The following PCNX1 variants were observed in gnomAD, a reference collection of about 807,000 sequenced individuals.
The protein encoded by PCNX1 is pecanex 1, also known as pecanex-like protein 1.
In PCNX1, 78 loss-of-function variants were observed where a neutral mutation model predicts 242.2. The ratio of observed to expected loss-of-function variants is 0.32; its 90% CI spans 0.27 to 0.39. PCNX1 has a LOEUF of 0.39. Ranked by LOEUF, PCNX1 falls within the 10% of genes least tolerant of loss-of-function variation. PCNX1 has a pLI of 1.00. For synonymous variants in PCNX1, 1,024 were observed against 1,032.9 expected (o/e 0.99, Z 0.17); for missense variants, 2,581 against 2,856.5 (o/e 0.90, Z 2.20).
At chr14:71,099,822 G>A (rs2062414597) in intron 30 of PCNX1, among the ~76,000 whole-genome samples, 1 of 152,122 alleles carries the variant, frequency 6.6e-6, no homozygotes, top group Admixed American at 6.5e-5. Context: ...TCTATCATTA[G>A]GTAATGACCT....
At chr14:70,926,305 C>CTTA (rs1391853474) in intron 1 of PCNX1, among the ~76,000 whole-genome samples, 1 of 151,874 alleles carries the variant, frequency 6.6e-6, no homozygotes, top group Non-Finnish European at 1.5e-5. Flanking sequence ...CCTTGCTGTG[C>CTTA]TTATATCAGA....
In PCNX1 at chr14:70,948,250, A is replaced by G. The variant is rs150059571; in HGVS notation, c.362+1127A>G. On this transcript the variant is annotated intron_variant, in intron 2 of 35. Coordinates refer to ENST00000304743, the MANE Select transcript of PCNX1 (RefSeq NM_014982.3). ...ATACACCCCTCCCCTTTTGAAATCC[A>G]TAATAAAAACTTGCTGGTTTTGTGG... Among the ~76,000 whole-genome samples the G allele has an allele frequency of 8.5e-3, 1,293 of 152,186 alleles. 25 individuals are homozygous for G. Among genetic ancestry groups the G allele is most frequent in the African/African-American group, 0.029 (1,219 of 41,510 alleles).
At chr14:71,013,873 A>C (rs894917318) in intron 11 of PCNX1, among the ~76,000 whole-genome samples, 2 of 152,194 alleles carry the variant, frequency 1.3e-5, no homozygotes, top group African/African-American at 4.8e-5. Context: ...AGGAGATAGA[A>C]CTGAGAGTCC....
intron 1 of PCNX1, among the ~76,000 whole-genome samples, chr14:70,922,122 A>T (rs1438109878): frequency 6.6e-6 from 1 of 152,170 alleles, no homozygotes; most frequent in African/African-American, 2.4e-5. Context: ...TCTGGCAATA[A>T]TGTACACTTT....
At chr14:71,009,548 T>C (rs969028325) in intron 8 of PCNX1, 86 bp from the exon 9 acceptor site, 7 of 694,052 alleles carry the variant, frequency 1.0e-5, no homozygotes, top group Non-Finnish European at 1.6e-5. Flanking sequence ...TTTCTTAAGA[T>C]GTAGAAACTT....
intron 19 of PCNX1, among the ~76,000 whole-genome samples, chr14:71,039,101 T>C (rs1157597130): frequency 3.3e-5 from 5 of 151,866 alleles, no homozygotes; most frequent in African/African-American, 7.3e-5. Flanking sequence ...AGGGATAGCA[T>C]TGGGAGATAT....
At chr14:71,078,315 T>C (rs1244983448) in intron 28 of PCNX1, among the ~76,000 whole-genome samples, 1 of 152,222 alleles carries the variant, frequency 6.6e-6, no homozygotes, top group African/African-American at 2.4e-5. Context: ...GGGACATTAA[T>C]CAGGCCAGAC....
In PCNX1 at chr14:70,907,459, C is replaced by G. The variant is rs1051484573; in HGVS notation, c.-392C>G. The G allele has an allele frequency of 6.6e-6, 1 of 152,582 alleles. No individual in the cohort carries two copies. Among genetic ancestry groups the G allele is most frequent in the Non-Finnish European group, 1.5e-5 (1 of 67,968 alleles). The allele number at this position is 152,582 out of a possible 1,614,324, so 9.5% of individuals were successfully genotyped here. ...TCTCGGTCGCTCCCTGGCGCCGGGC[C>G]TCTTTCTCTGCCTGGCCCAGGGCTG... On this transcript the variant is annotated 5_prime_UTR_variant, in exon 1 of 36. Coordinates refer to ENST00000304743, the MANE Select transcript of PCNX1 (RefSeq NM_014982.3).
chr14:70,973,045 A>AGT (rs2058587819), intron 5 of PCNX1, among the ~76,000 whole-genome samples: 1 of 152,154 alleles, frequency 6.6e-6, no homozygotes, highest in Non-Finnish European at 1.5e-5. Flanking sequence ...GGAGGCCAGG[A>AGT]GTTCAATACC....
chr14:70,948,319 T>C (rs1362311966), intron 2 of PCNX1, among the ~76,000 whole-genome samples: 1 of 152,154 alleles, frequency 6.6e-6, no homozygotes, highest in Non-Finnish European at 1.5e-5. Flanking sequence ...ATGTCTCCCC[T>C]GGACAGCCAG....
At chr14:71,029,034 A>T (rs541401011) in intron 16 of PCNX1, among the ~76,000 whole-genome samples, 1 of 152,254 alleles carries the variant, frequency 6.6e-6, no homozygotes, top group East Asian at 1.9e-4. Context: ...TTAGAAACAG[A>T]TTATTGAAAA....
intron 6 of PCNX1, among the ~76,000 whole-genome samples, chr14:70,988,219 A>C (rs1187791263): frequency 6.6e-6 from 1 of 152,218 alleles, no homozygotes; most frequent in Non-Finnish European, 1.5e-5. Flanking sequence ...AGGTTGACTT[A>C]ATTAACGGGG....
Position 71,114,459 on chromosome 14 carries a change from C to T in PCNX1, c.*4524C>T, listed in dbSNP as rs535479185. The T allele has an allele frequency of 3.3e-4, 51 of 152,402 alleles. No homozygotes were observed. Among genetic ancestry groups the T allele is most frequent in the African/African-American group, 1.2e-3 (50 of 41,548 alleles). The allele number at this position is 152,402 out of a possible 1,614,324, so 9.4% of individuals were successfully genotyped here. ...TATTTTCTACTTTGAATCACCTCAC[C>T]AGAGTCATCTGTCAAGAATTATGTA... On this transcript the variant is annotated 3_prime_UTR_variant, in exon 36 of 36. Transcript: ENST00000304743.
intron 2 of PCNX1, among the ~76,000 whole-genome samples, chr14:70,953,669 T>C (rs546691067): frequency 5.5e-4 from 82 of 148,206 alleles, no homozygotes; most frequent in Admixed American, 2.3e-3. Context: ...TCTTTCTTTT[T>C]TTTTTTTTTT....
At chr14:70,980,803 ATACTGTAC>A (rs1320780587) in intron 6 of PCNX1, among the ~76,000 whole-genome samples, 1 of 152,150 alleles carries the variant, frequency 6.6e-6, no homozygotes, top group Non-Finnish European at 1.5e-5. Flanking sequence ...CCTTCCTTAC[ATACTGTAC>A]TACTGAAACC....
chr14:70,988,515 A>T, intron 6 of PCNX1, 52 bp from the exon 7 acceptor site: 1 of 1,587,880 alleles, frequency 6.3e-7, no homozygotes, highest in Non-Finnish European at 8.6e-7. Context: ...CTCAGCTGCT[A>T]TTTACATCTC....
chr14:71,094,291 G>T (rs1396441566), intron 30 of PCNX1, among the ~76,000 whole-genome samples: 1 of 152,210 alleles, frequency 6.6e-6, no homozygotes, highest in Non-Finnish European at 1.5e-5. Flanking sequence ...GAAGTTTAGA[G>T]AGTAAATGCC....
intron 28 of PCNX1, among the ~76,000 whole-genome samples, chr14:71,082,439 A>G (rs1052647624): frequency 6.6e-6 from 1 of 151,760 alleles, no homozygotes; most frequent in African/African-American, 2.4e-5. Context: ...CGCTGATCTA[A>G]TATTGACAGT....
At chr14:71,028,603 G>A (rs2060299335) in intron 15 of PCNX1, 97 bp from the exon 16 acceptor site, 1 of 675,248 alleles carries the variant, frequency 1.5e-6, no homozygotes. Context: ...TTTAATGATA[G>A]TTGACATTAT....
Sources: allele counts gnomAD v4.1 joint callset (sites outside exome capture counted in the v4.1 genomes callset), GRCh38; gene constraint gnomAD v4.1.1; transcripts MANE v1.5; gene names NCBI Gene and HGNC (gene_info 2026-07-23, HGNC 2026-07-21).